CELF4: variants seen among roughly 807,000 people sequenced by gnomAD.
CELF4 encodes CUG-BP- and ETR-3-like factor 4.
A neutral mutation model predicts 59.9 loss-of-function variants in CELF4; 18 were observed. The observed-to-expected ratio is 0.30, with a 90% CI of 0.21 to 0.45. CELF4 has a LOEUF of 0.45. Among genes scored for constraint, CELF4 ranks in the 20% least tolerant of loss-of-function variants. The pLI, the probability that CELF4 is intolerant of heterozygous loss-of-function variation, is 1.00. For synonymous variants in CELF4, 261 were observed against 267.1 expected (o/e 0.98, Z 0.22); for missense variants, 456 against 689.0 (o/e 0.66, Z 3.79).
chr18:37,530,000 C>T (rs2099967817), intron 1 of CELF4, among the ~76,000 whole-genome samples: 2 of 152,146 alleles, frequency 1.3e-5, no homozygotes, highest in South Asian at 4.1e-4. Context: ...GGCCACTGCA[C>T]AGAACCAGAC....
chr18:37,283,495 C>G (rs78054347), intron 3 of CELF4, among the ~76,000 whole-genome samples: 3,780 of 152,270 alleles, frequency 0.025, 178 homozygotes, highest in African/African-American at 0.087. Context: ...TTCATTCATG[C>G]AGCAAGGTCC....
At chr18:37,484,493 G>T (rs1317302369) in intron 2 of CELF4, among the ~76,000 whole-genome samples, 1 of 152,188 alleles carries the variant, frequency 6.6e-6, no homozygotes, top group Non-Finnish European at 1.5e-5. Context: ...ACTCAGCCCC[G>T]TGCTTTGCAA....
intron 2 of CELF4, among the ~76,000 whole-genome samples, chr18:37,334,852 C>A (rs553986372): frequency 2.0e-5 from 3 of 152,124 alleles, no homozygotes; most frequent in African/African-American, 7.2e-5. Flanking sequence ...AATGACAAAT[C>A]GAGAGGAAAT....
chr18:37,391,909 C>A (rs1227099151), intron 2 of CELF4, among the ~76,000 whole-genome samples: 1 of 152,214 alleles, frequency 6.6e-6, no homozygotes, highest in African/African-American at 2.4e-5. Flanking sequence ...TTTTCAGCTG[C>A]GGAGTTTCGC....
chr18:37,372,440 T>C (rs565166107), intron 2 of CELF4, among the ~76,000 whole-genome samples: 4 of 152,198 alleles, frequency 2.6e-5, no homozygotes, highest in East Asian at 3.9e-4. Context: ...ATGAGAACAC[T>C]TGGACACAGG....
At chr18:37,502,173 A>G (rs189620770) in intron 1 of CELF4, among the ~76,000 whole-genome samples, 1 of 152,212 alleles carries the variant, frequency 6.6e-6, no homozygotes, top group East Asian at 1.9e-4. Context: ...TCTGGACTCG[A>G]GCTAACTTTT....
chr18:37,512,703 CCTTT>C (rs2154604357), intron 1 of CELF4, among the ~76,000 whole-genome samples: 1 of 151,182 alleles, frequency 6.6e-6, no homozygotes, highest in East Asian at 2.0e-4. Flanking sequence ...ATCTTTGACT[CCTTT>C]CTGTTTTTCT....
chr18:37,452,889 C>G (rs1371280005), intron 2 of CELF4, among the ~76,000 whole-genome samples: 2 of 152,176 alleles, frequency 1.3e-5, no homozygotes, highest in Non-Finnish European at 2.9e-5. Flanking sequence ...ACTGCCCCCA[C>G]CCCTTCTTAA....
rs2154602464 is a variant in CELF4, at chr18:37,468,548, A to G, written c.369+16977T>C. Among the ~76,000 whole-genome samples, 2 of 152,282 alleles carry G rather than the reference A, an allele frequency of 1.3e-5. 1 individual carries two copies. Among genetic ancestry groups the G allele is most frequent in the South Asian group, 4.1e-4 (2 of 4,824 alleles). The stretch of plus-strand genomic sequence containing the variant: ...GCCAAGGCTGTTTTCTGGAAGATGG[A>G]TGACATCAGTCATTCAACTAGCTTC... On this transcript the variant is annotated intron_variant, in intron 2 of 12. Transcript: ENST00000420428.
At chr18:37,346,170 C>T (rs775075060) in intron 2 of CELF4, among the ~76,000 whole-genome samples, 19 of 152,320 alleles carry the variant, frequency 1.2e-4, no homozygotes, top group African/African-American at 4.1e-4. Flanking sequence ...ATGTCAAGAA[C>T]AGTGCCTGCC....
intron 3 of CELF4, among the ~76,000 whole-genome samples, chr18:37,318,584 A>G (rs985596787): frequency 3.3e-5 from 5 of 151,176 alleles, no homozygotes; most frequent in Admixed American, 3.3e-4. Flanking sequence ...TTAATATTGA[A>G]TATGCAATTA....
intron 1 of CELF4, among the ~76,000 whole-genome samples, chr18:37,535,126 C>T (rs2099972511): frequency 6.6e-6 from 1 of 152,124 alleles, no homozygotes; most frequent in Non-Finnish European, 1.5e-5. Flanking sequence ...CCTCCCTGCA[C>T]CCAGGTCTTC....
chr18:37,339,907 G>A (rs747488716), intron 2 of CELF4, among the ~76,000 whole-genome samples: 4 of 152,126 alleles, frequency 2.6e-5, no homozygotes, highest in Non-Finnish European at 5.9e-5. Context: ...CCAAGGTGCA[G>A]CCACTCCCAG....
At chr18:37,258,343 C>T (rs1018342451) in intron 11 of CELF4, among the ~76,000 whole-genome samples, 6 of 151,312 alleles carry the variant, frequency 4.0e-5, no homozygotes, top group Non-Finnish European at 8.8e-5. Context: ...TCCTCTGGCT[C>T]GTCTCACCCC....
At chr18:37,389,575 C>T (rs1396304989) in intron 2 of CELF4, among the ~76,000 whole-genome samples, 1 of 152,106 alleles carries the variant, frequency 6.6e-6, no homozygotes, top group Non-Finnish European at 1.5e-5. Flanking sequence ...GGTCTGCTCA[C>T]CATGGCTGGA....
intron 2 of CELF4, among the ~76,000 whole-genome samples, chr18:37,433,351 C>T (rs1603638939): frequency 1.3e-5 from 2 of 152,216 alleles, no homozygotes; most frequent in Middle Eastern, 6.8e-3. Context: ...ATGTCCCATG[C>T]CCTGCTCTTG....
At chr18:37,298,724 C>CAA (rs5824047) in intron 3 of CELF4, among the ~76,000 whole-genome samples, 2,486 of 124,246 alleles carry the variant, frequency 0.02, 45 homozygotes, top group African/African-American at 0.055. Context: ...GACTCTATCT[C>CAA]AAAAAAAAAA....
In CELF4 at chr18:37,336,126, G is replaced by A. The variant is rs539043982; in HGVS notation, c.370-14245C>T. Among the ~76,000 whole-genome samples the A allele has an allele frequency of 4.3e-4, 66 of 152,310 alleles. 2 individuals carry two copies. In the South Asian group the frequency reaches 0.013, roughly 31 times the overall value. ...TCATAGCTCATCTCCTCAGTCTGCT[G>A]GCCACATGCCCCACAGCCAGCCCCA... is the stretch of plus-strand genomic sequence containing the variant. On this transcript the variant is annotated intron_variant, in intron 2 of 12. Transcript: ENST00000420428.
Position 37,384,308 on chromosome 18 carries a change from C to T in CELF4, c.370-62427G>A, listed in dbSNP as rs1015605201. On this transcript the variant is annotated intron_variant, in intron 2 of 12. Coordinates refer to ENST00000420428, the MANE Select transcript of CELF4 (RefSeq NM_020180.4). ...CAAATTCTAAGTGGCAATCTGGACC[C>T]AGTCGGGTTGTGCTAATTTGCACAT... 2.0e-5 allele frequency among the ~76,000 whole-genome samples: 3 copies of T among 152,126 alleles called. No individual in the cohort carries two copies. In the East Asian group the frequency reaches 5.8e-4, roughly 29 times the overall value.
Sources: gnomAD v4.1 joint callset for allele counts (sites outside exome capture counted in the v4.1 genomes callset) on GRCh38, gnomAD v4.1.1 for gene constraint, MANE v1.5 for transcripts, NCBI Gene and HGNC (gene_info 2026-07-23, HGNC 2026-07-21) for gene names.